Variants in L3MBTL2 observed in about 807,000 individuals in gnomAD.
L3MBTL2 encodes lethal(3)malignant brain tumor-like protein 2.
Under a neutral mutation model 86.4 loss-of-function variants are expected in L3MBTL2, and 49 were observed. The observed-to-expected ratio is 0.57, with a 90% CI of 0.45 to 0.72. The LOEUF (loss-of-function observed/expected upper bound fraction) is 0.72. Ranked by LOEUF, L3MBTL2 falls within the 30% of genes least tolerant of loss-of-function variation. L3MBTL2 has a pLI of 0.00. For synonymous variants in L3MBTL2, 336 were observed against 350.6 expected, an observed-to-expected ratio of 0.96 and a Z score of 0.47; for missense variants, 755 against 923.7, an observed-to-expected ratio of 0.82 and a Z score of 2.37.
At chr22:41,212,312 T>TTAGAA (rs1482720073) in intron 2 of L3MBTL2, among the ~76,000 whole-genome samples, 3 of 152,054 alleles carry the variant, frequency 2.0e-5, no homozygotes, top group African/African-American at 7.2e-5. Flanking sequence ...GTTCTGCACA[T>TTAGAA]TAGAATCATC....
At chr22:41,228,070 G>A (rs1416086166) in intron 15 of L3MBTL2, 1 of 985,318 alleles carries the variant, frequency 1.0e-6, no homozygotes, top group African/African-American at 1.7e-5. Flanking sequence ...TGGGGACCCA[G>A]ACCATAAATA....
chr22:41,217,191 T>G lies in L3MBTL2; in HGVS notation c.589T>G (p.Cys197Gly). The change falls in exon 5 of 17, where the codon TGT becomes GGT. Residue 197 changes from cysteine (C) to glycine (G), a missense_variant. Coordinates refer to ENST00000216237, the MANE Select transcript of L3MBTL2 (RefSeq NM_031488.5). ...CAGTTACAAGGCTGCTCCCGTCAGC[T>G]GTTTCAAGCACGTGAGTGCCCTGGA... The part of the protein sequence containing the change: ...DHSYKAAPVS[C>G]FKHVPLYDQW... 1 of 1,613,320 alleles carries G rather than the reference T, an allele frequency of 6.2e-7. No homozygotes were observed. Among genetic ancestry groups the G allele is most frequent in the Non-Finnish European group, 8.5e-7 (1 of 1,179,820 alleles).
chr22:41,224,761 G>A lies in L3MBTL2; in HGVS notation c.1211G>A (p.Arg404Gln), dbSNP rs201964967. ...RSDMAHHPTF[R>Q]KIYCDAVPYL... Reference sequence around the variant, plus strand: ...GACATGGCCCATCACCCCACCTTCCGGAAGATCTACTGTGATGCCGTTCCT... The same window carrying A: ...GACATGGCCCATCACCCCACCTTCCAGAAGATCTACTGTGATGCCGTTCCT... The change falls in exon 10 of 17, where the codon CGG becomes CAG. Residue 404 changes from arginine (R) to glutamine (Q), a missense_variant. Transcript: ENST00000216237. The surrounding 1 kb of genome is among the most constrained non-coding windows in gnomAD (Gnocchi z 4.9). 4.6e-4 allele frequency: 748 copies of A among 1,613,956 alleles called. 1 individual carries two copies. The highest frequency in any genetic ancestry group is 5.7e-4 in the South Asian group (52 of 91,078).
chr22:41,227,975 C>T lies in L3MBTL2; in HGVS notation c.1888+106C>T. The T allele has an allele frequency of 6.6e-7, 1 of 1,505,510 alleles. No individual in the cohort carries two copies. The highest frequency in any genetic ancestry group is 8.9e-7 in the Non-Finnish European group (1 of 1,126,076). 93.3% of individuals were successfully genotyped at this position (1,505,510 alleles called of 1,614,324 possible). A position where few individuals can be genotyped will look rare whatever the true frequency, so the allele number is the denominator to read the frequency against. On this transcript the variant is annotated intron_variant, in intron 15 of 16. Coordinates refer to ENST00000216237, the MANE Select transcript of L3MBTL2 (RefSeq NM_031488.5). The surrounding 1 kb of genome is among the most constrained non-coding windows in gnomAD (Gnocchi z 6.0). The stretch of plus-strand genomic sequence containing the variant: ...GCCCCCAGGCACTGGTTCCCAGGTG[C>T]TGTCCTACTGACGTAGCTCTCTTCG...
rs1041300183 is a variant in L3MBTL2, at chr22:41,229,551, C to G, written c.1900C>G (p.Pro634Ala). The G allele has an allele frequency of 1.9e-6, 3 of 1,610,446 alleles. No individual in the cohort carries two copies. The East Asian group carries it at 6.7e-5, about 36-fold the overall frequency. The change falls in exon 16 of 17, where the codon CCG becomes GCG. Residue 634 changes from proline to alanine, a missense_variant. Pro to Ala is a conservative substitution (Grantham distance 27). This residue lies in a region of L3MBTL2 where 634 missense variants were observed against 748.9 expected (regional missense o/e 0.85). Coordinates refer to ENST00000216237, the MANE Select transcript of L3MBTL2 (RefSeq NM_031488.5). ...KQFGKKRKRI[P>A]PTKTRPLRQG... ...ATTTTTATTCAAAGGGAAAAGAATC[C>G]CGCCCACTAAGACGCGACCCCTCAG... is the stretch of plus-strand genomic sequence containing the variant.
chr22:41,227,694 C>T lies in L3MBTL2; in HGVS notation c.1823-110C>T. 2 of 1,593,988 alleles carry T rather than the reference C, an allele frequency of 1.3e-6. No homozygotes were observed. The highest frequency in any genetic ancestry group is 1.7e-6 in the Non-Finnish European group (2 of 1,169,500). ...TCATTGCCCAGGTTTGGCTTCCTGT[C>T]TTGGGGTGTCTCGTGTGGGAGGGTG... On this transcript the variant is annotated intron_variant, in intron 14 of 16. Transcript: ENST00000216237. This position sits in a 1 kb window ranked among gnomAD's most constrained non-coding sequence, Gnocchi z 6.0.
At chr22:41,215,472 A>G (rs2031268944) in intron 3 of L3MBTL2, among the ~76,000 whole-genome samples, 1 of 152,210 alleles carries the variant, frequency 6.6e-6, no homozygotes, top group South Asian at 2.1e-4. Context: ...TTTGTTTGGG[A>G]CTTAAACCCA....
intron 2 of L3MBTL2, among the ~76,000 whole-genome samples, chr22:41,212,236 A>G (rs554916608): frequency 5.3e-5 from 8 of 152,114 alleles, no homozygotes; most frequent in Middle Eastern, 3.4e-3. Context: ...ATCCTCTTCC[A>G]GCCCTTCTCT....
At position 41,227,897 on chromosome 22, in the gene L3MBTL2, T is replaced by A. The variant is rs1448281174; in HGVS notation, c.1888+28T>A. 4 of 1,608,492 alleles carry A rather than the reference T, an allele frequency of 2.5e-6. No individual in the cohort carries two copies. The stretch of plus-strand genomic sequence containing the variant: ...AAGTGCTGCACCGGTGCAGCCAGGC[T>A]GGTGTGGGCCTGGGAGCAGTGGGCC... On this transcript the variant is annotated intron_variant, in intron 15 of 16. Coordinates refer to ENST00000216237, the MANE Select transcript of L3MBTL2 (RefSeq NM_031488.5). The surrounding 1 kb of genome is among the most constrained non-coding windows in gnomAD (Gnocchi z 6.0).
In L3MBTL2 at chr22:41,217,205, G is replaced by A. The variant is rs772513638; in HGVS notation, c.600+3G>A. 6.2e-7 allele frequency: 1 copy of A among 1,610,856 alleles called. No individual in the cohort carries two copies. ...CTCCCGTCAGCTGTTTCAAGCACGT[G>A]AGTGCCCTGGAGCTGAGGGAGGGAG... On this transcript the variant is annotated splice_donor_region_variant and intron_variant, in intron 5 of 16. Transcript: ENST00000216237.
rs372187499 is a variant in L3MBTL2, at chr22:41,216,376, C to T, written c.520+114C>T. 4.7e-5 allele frequency: 63 copies of T among 1,335,360 alleles called. No homozygotes were observed. The South Asian group carries it at 5.3e-4, about 11-fold the overall frequency. The allele number at this position is 1,335,360 out of a possible 1,614,324, so 82.7% of individuals were successfully genotyped here. ...GGCAAACCGGCCAGGTAGAAAGTGCCCTAAGTCAGGGTCACTGCGGATTGC... is the reference window on the plus strand; with the variant it reads ...GGCAAACCGGCCAGGTAGAAAGTGCTCTAAGTCAGGGTCACTGCGGATTGC... On this transcript the variant is annotated intron_variant, in intron 4 of 16. Transcript: ENST00000216237.
At chr22:41,229,965 T>G (rs544945916) in intron 16 of L3MBTL2, among the ~76,000 whole-genome samples, 174 bp from the exon 17 acceptor site, 1 of 152,280 alleles carries the variant, frequency 6.6e-6, no homozygotes, top group South Asian at 2.1e-4. Flanking sequence ...CCTGCCTGGC[T>G]TGGGGCCTTG....
At chr22:41,212,737 T>G (rs2030990811) in intron 2 of L3MBTL2, among the ~76,000 whole-genome samples, 1 of 147,132 alleles carries the variant, frequency 6.8e-6, no homozygotes, top group African/African-American at 2.5e-5. Context: ...CTACTAAAGA[T>G]ATAAAAAATT....
intron 12 of L3MBTL2, 112 bp downstream of exon 12, chr22:41,226,053 G>A: frequency 8.5e-7 from 1 of 1,179,372 alleles, no homozygotes; most frequent in Non-Finnish European, 1.2e-6. Flanking sequence ...GAGGCAGGTG[G>A]ATGACCTGAG....
At position 41,209,805 on chromosome 22, in the gene L3MBTL2, G is replaced by C. The variant is rs150194965; in HGVS notation, c.134G>C (p.Ser45Thr). Residue 45 changes from serine (S) to threonine (T), a missense_variant, in exon 2 of 17, where the codon AGC (serine) becomes ACC (threonine). Ser to Thr is a moderately conservative substitution (Grantham distance 58). Transcript: ENST00000216237. ...AACAGCAGTGTGGGCAGTGAGAGCA[G>C]CTCCTATCTGGAGGAGTCAAGTGAA... ...SYNSSVGSES[S>T]SYLEESSEAE... is the part of the protein sequence containing the mutation. 7.5e-4 allele frequency: 1,210 copies of C among 1,614,216 alleles called. 12 individuals are homozygous for C. In the East Asian group the frequency reaches 0.021, roughly 29 times the overall value.
intron 8 of L3MBTL2, among the ~76,000 whole-genome samples, chr22:41,223,511 G>T (rs114316953): frequency 6.0e-5 from 9 of 150,144 alleles, no homozygotes; most frequent in African/African-American, 2.2e-4. Flanking sequence ...AGGGACACAG[G>T]AAGACTCAGT....
rs749425522 is a variant in L3MBTL2 at position 41,229,634 on chromosome 22, G to A, written c.1983G>A (p.Ser661=). ...EDDPQGARKI[S]SEPVPGEIIA... ...ACCCTCAGGGTGCCAGGAAGATCTC[G>A]TCGGAGCCTGTTCCTGGCGAGAGTA... Residue 661 remains serine, a synonymous_variant, in exon 16 of 17, where the codon TCG becomes TCA. Transcript: ENST00000216237. 23 of 1,613,664 alleles carry A rather than the reference G, an allele frequency of 1.4e-5. No homozygotes were observed. Among genetic ancestry groups the A allele is most frequent in the Non-Finnish European group, 1.7e-5 (20 of 1,180,032 alleles).
At chr22:41,228,374 G>C in intron 15 of L3MBTL2, 1 of 985,472 alleles carries the variant, frequency 1.0e-6, no homozygotes. Flanking sequence ...GTTTCCCTTG[G>C]TGGGGCCTCA....
At chr22:41,205,505 C>G (rs1473181943) in intron 1 of L3MBTL2, 119 bp downstream of exon 1, 5 of 1,228,604 alleles carry the variant, frequency 4.1e-6, no homozygotes, top group Non-Finnish European at 6.0e-6. Context: ...GATGGATAAA[C>G]TGAGGTAGTT....
Sources: allele counts gnomAD v4.1 joint callset (sites outside exome capture counted in the v4.1 genomes callset), GRCh38; gene constraint gnomAD v4.1.1; regional missense constraint gnomAD v4.1.1; non-coding constraint Gnocchi (gnomAD v3.1); transcripts MANE v1.5; gene names NCBI Gene and HGNC (gene_info 2026-07-23, HGNC 2026-07-21).